Variants in VMP1 observed in about 807,000 individuals in gnomAD.
The protein encoded by VMP1 is vacuole membrane protein 1.
In VMP1, 11 loss-of-function variants were observed where a neutral mutation model predicts 56.0. The observed-to-expected ratio is 0.20, with a 90% CI of 0.12 to 0.32. The LOEUF (loss-of-function observed/expected upper bound fraction) is 0.32, where lower values mean the gene tolerates loss of function less well. VMP1 is among the 10% of genes least tolerant of loss of function. The pLI, the probability that VMP1 is intolerant of heterozygous loss-of-function variation, is 1.00. For synonymous variants in VMP1, 149 were observed against 165.0 expected, an observed-to-expected ratio of 0.90 and a Z score of 0.74; for missense variants, 296 against 490.3, an observed-to-expected ratio of 0.60 and a Z score of 3.74.
chr17:59,742,525 T>TAAC (rs762179304), intron 5 of VMP1, among the ~76,000 whole-genome samples: 1 of 107,646 alleles, frequency 9.3e-6, no homozygotes, highest in African/African-American at 4.4e-5. Context: ...TCAAAAACAA[T>TAAC]AATAATAATA....
chr17:59,803,064 A>G lies in VMP1; in HGVS notation c.715-5732A>G, dbSNP rs543563552. On this transcript the variant is annotated intron_variant, in intron 7 of 11. Coordinates refer to ENST00000262291, the MANE Select transcript of VMP1 (RefSeq NM_030938.5). ...ATGGCCTTCTGTTGCTTTTAAAGAG[A>G]TCTTTTCATATGGCTTCCTCGTGAA... Among the ~76,000 whole-genome samples, 56 of 152,218 alleles carry G rather than the reference A, an allele frequency of 3.7e-4. 1 individual carries two copies. Among genetic ancestry groups the G allele is most frequent in the Admixed American group, 3.1e-3 (48 of 15,256 alleles).
At chr17:59,785,023 T>C (rs1206760290) in intron 7 of VMP1, 1 of 152,164 alleles carries the variant, frequency 6.6e-6, no homozygotes, top group Non-Finnish European at 1.5e-5. Context: ...TTAAAGATAC[T>C]TTAGGAATAA....
At chr17:59,761,471 G>A (rs1020220069) in intron 5 of VMP1, among the ~76,000 whole-genome samples, 1 of 152,182 alleles carries the variant, frequency 6.6e-6, no homozygotes, top group East Asian at 1.9e-4. Flanking sequence ...GGGTGAAGGG[G>A]ACAATTAAGT....
At chr17:59,742,005 T>C (rs2035244766) in intron 5 of VMP1, among the ~76,000 whole-genome samples, 2 of 152,194 alleles carry the variant, frequency 1.3e-5, no homozygotes, top group Admixed American at 1.3e-4. Context: ...ATTAACTGTA[T>C]AGAAAACAGT....
intron 6 of VMP1, among the ~76,000 whole-genome samples, chr17:59,770,701 C>T (rs2036392630): frequency 6.6e-6 from 1 of 151,898 alleles, no homozygotes; most frequent in African/African-American, 2.4e-5. Context: ...CTGCCTCAGC[C>T]TCCCGAGTAG....
chr17:59,735,387 G>C lies in VMP1; in HGVS notation c.126G>C (p.Gln42His), dbSNP rs1351552652. ...EKKRREREER[Q>H]NIVLWRQPLI... ...AGAGGAGGGAGCGGGAAGAAAGGCA[G>C]AATATTGTCCTGTGGAGACAGCCGC... Residue 42 changes from glutamine (Q) to histidine (H), a missense_variant, in exon 3 of 12, where the codon CAG becomes CAC. By Grantham distance (24) the Gln-to-His change is conservative. Around this residue, in one of 4 missense-constraint regions of VMP1, gnomAD observed 69 missense variants for 76.6 expected, o/e 0.90. Transcript: ENST00000262291. 1 of 1,614,010 alleles carries C rather than the reference G, an allele frequency of 6.2e-7. No homozygotes were observed. Among genetic ancestry groups the C allele is most frequent in the Non-Finnish European group, 8.5e-7 (1 of 1,180,020 alleles).
chr17:59,810,598 ATAT>A (rs964102555), intron 8 of VMP1, among the ~76,000 whole-genome samples: 21 of 152,322 alleles, frequency 1.4e-4, no homozygotes, highest in Admixed American at 8.5e-4. Context: ...TGTGTAAATG[ATAT>A]TATTATATGG....
intron 1 of VMP1, among the ~76,000 whole-genome samples, chr17:59,711,723 G>A (rs1017671406): frequency 1.2e-4 from 19 of 152,130 alleles, no homozygotes; most frequent in Non-Finnish European, 2.5e-4. Context: ...CAGATAAAAG[G>A]TGATACTTAA....
intron 5 of VMP1, among the ~76,000 whole-genome samples, chr17:59,755,956 C>G (rs1203636516): frequency 6.6e-6 from 1 of 151,928 alleles, no homozygotes; most frequent in East Asian, 1.9e-4. Context: ...GAGCTAGTCT[C>G]GAACTCCTGG....
At chr17:59,788,956 A>G (rs993722719) in intron 7 of VMP1, among the ~76,000 whole-genome samples, 1 of 145,268 alleles carries the variant, frequency 6.9e-6, no homozygotes, top group African/African-American at 2.6e-5. Context: ...TTTTTTTTTC[A>G]GGTTTGTGTT....
intron 7 of VMP1, among the ~76,000 whole-genome samples, chr17:59,804,002 A>C (rs2037761531): frequency 6.6e-6 from 1 of 151,844 alleles, no homozygotes; most frequent in South Asian, 2.1e-4. Context: ...TGAGTAATAG[A>C]GTCAAGTTTA....
intron 5 of VMP1, among the ~76,000 whole-genome samples, chr17:59,746,788 G>A (rs901484260): frequency 7.2e-5 from 11 of 152,162 alleles, no homozygotes; most frequent in African/African-American, 1.9e-4. Context: ...GATGGCTTAC[G>A]GAGAGTTGGT....
chr17:59,710,730 C>T (rs947342986), intron 1 of VMP1, among the ~76,000 whole-genome samples: 1 of 152,146 alleles, frequency 6.6e-6, no homozygotes, highest in African/African-American at 2.4e-5. Flanking sequence ...GTGGAAATGA[C>T]GGAGGAGCCT....
chr17:59,798,128 T>C (rs1448790246), intron 7 of VMP1, among the ~76,000 whole-genome samples: 1 of 152,260 alleles, frequency 6.6e-6, no homozygotes, highest in East Asian at 1.9e-4. Flanking sequence ...GTATACGTTA[T>C]GCCTTAGTTT....
chr17:59,729,942 C>T (rs2034761167), intron 1 of VMP1: 1 of 152,258 alleles, frequency 6.6e-6, no homozygotes, highest in Admixed American at 6.6e-5. Flanking sequence ...CCTTGGCCTC[C>T]CAAAGTGCTG....
chr17:59,833,314 A>AT (rs756883853), intron 10 of VMP1, among the ~76,000 whole-genome samples: 28 of 152,286 alleles, frequency 1.8e-4, no homozygotes, highest in Non-Finnish European at 3.7e-4. Flanking sequence ...AAACTATAGT[A>AT]TAAGAGTACT....
intron 6 of VMP1, among the ~76,000 whole-genome samples, chr17:59,769,051 G>A (rs887072425): frequency 3.3e-5 from 5 of 151,816 alleles, no homozygotes; most frequent in African/African-American, 9.7e-5. Flanking sequence ...AACCCGGGAG[G>A]CAGAGGTTGC....
chr17:59,713,533 G>A (rs1363954135), intron 1 of VMP1, among the ~76,000 whole-genome samples: 3 of 151,942 alleles, frequency 2.0e-5, no homozygotes, highest in Non-Finnish European at 4.4e-5. Flanking sequence ...ATAGGGAGAG[G>A]AGAGGGCCAA....
intron 7 of VMP1, among the ~76,000 whole-genome samples, chr17:59,786,020 T>A (rs781578663): frequency 2.6e-5 from 4 of 152,238 alleles, no homozygotes; most frequent in African/African-American, 7.2e-5. Flanking sequence ...AAAAAAATCT[T>A]ATTTTTTAGC....
Sources: allele counts gnomAD v4.1 joint callset (sites outside exome capture counted in the v4.1 genomes callset), GRCh38; gene constraint gnomAD v4.1.1; regional missense constraint gnomAD v4.1.1; transcripts MANE v1.5; gene names NCBI Gene and HGNC (gene_info 2026-07-23, HGNC 2026-07-21).